CNTN4: variants seen among roughly 807,000 people sequenced by gnomAD.
CNTN4 encodes the protein contactin 4.
Under a neutral mutation model 122.5 loss-of-function variants are expected in CNTN4, and 77 were observed. That is an observed-to-expected ratio of 0.63 (90% CI 0.52 to 0.76). The LOEUF (loss-of-function observed/expected upper bound fraction) is 0.76, where lower values mean the gene tolerates loss of function less well. Ranked by LOEUF, CNTN4 falls within the 30% of genes least tolerant of loss-of-function variation. The pLI is 0.00. For synonymous variants in CNTN4, 512 were observed against 447.0 expected, an observed-to-expected ratio of 1.15 and a Z score of -1.83; for missense variants, 1,256 against 1,259.1, an observed-to-expected ratio of 1.00 and a Z score of 0.04.
intron 12 of CNTN4, among the ~76,000 whole-genome samples, chr3:2,916,752 G>C (rs1481598703): frequency 1.4e-5 from 2 of 143,894 alleles, no homozygotes; most frequent in Admixed American, 6.8e-5. Flanking sequence ...GGGCAGAGGG[G>C]CTCCTCACTT....
At chr3:2,465,399 G>A (rs766439351) in intron 3 of CNTN4, among the ~76,000 whole-genome samples, 5 of 152,064 alleles carry the variant, frequency 3.3e-5, no homozygotes, top group Admixed American at 6.6e-5. Flanking sequence ...AATAATGTCC[G>A]GGCGTGGTGG....
rs887512499 is a variant in CNTN4, at chr3:2,170,324, C to A, written c.-145+69685C>A. 2.6e-4 allele frequency among the ~76,000 whole-genome samples: 40 copies of A among 151,270 alleles called. No individual in the cohort carries two copies. The East Asian group carries it at 2.9e-3, about 11-fold the overall frequency. ...GACACACCAAGACTCCGTCTCAAAA[C>A]AAAAAAACAACAACAACAAAAAGAG... On this transcript the variant is annotated intron_variant, in intron 2 of 24. Transcript: ENST00000418658.
rs770049270 is a variant in CNTN4 at position 2,750,531 on chromosome 3, C to A, written c.358+4834C>A. 1.5e-3 allele frequency among the ~76,000 whole-genome samples: 229 copies of A among 152,162 alleles called. 3 individuals are homozygous for A. Among genetic ancestry groups the A allele is most frequent in the Non-Finnish European group, 3.1e-3 (211 of 68,018 alleles). On this transcript the variant is annotated intron_variant, in intron 6 of 24. Coordinates refer to ENST00000418658, the MANE Select transcript of CNTN4 (RefSeq NM_175607.3). ...CAATATATTTAAAATAGAAATCCTT[C>A]TTTGATTAAATAAGGATAGCATAAT...
chr3:2,771,296 C>T (rs1340986717), intron 6 of CNTN4, among the ~76,000 whole-genome samples: 1 of 152,200 alleles, frequency 6.6e-6, no homozygotes, highest in East Asian at 1.9e-4. Context: ...TTTAAATACT[C>T]TACAACATGG....
At chr3:2,519,380 C>T (rs2077132350) in intron 3 of CNTN4, among the ~76,000 whole-genome samples, 1 of 152,182 alleles carries the variant, frequency 6.6e-6, no homozygotes, top group Admixed American at 6.6e-5. Flanking sequence ...TACAGATTGT[C>T]TTGTCTGTTC....
intron 2 of CNTN4, among the ~76,000 whole-genome samples, chr3:2,310,187 C>G (rs1016212522): frequency 2.0e-5 from 3 of 152,120 alleles, no homozygotes; most frequent in African/African-American, 7.2e-5. Flanking sequence ...AGTATTACAG[C>G]AACAGACAAA....
chr3:2,276,509 C>T (rs1203845261), intron 2 of CNTN4, among the ~76,000 whole-genome samples: 1 of 152,034 alleles, frequency 6.6e-6, no homozygotes, highest in African/African-American at 2.4e-5. Flanking sequence ...AAAAATTTGT[C>T]ATGCTGGGTC....
intron 3 of CNTN4, among the ~76,000 whole-genome samples, chr3:2,533,405 T>C (rs1219228858): frequency 2.0e-5 from 3 of 152,122 alleles, no homozygotes; most frequent in Non-Finnish European, 2.9e-5. Flanking sequence ...GTCCTTGCGA[T>C]AGTTTGCTGA....
chr3:2,379,087 T>C (rs2045925991), intron 3 of CNTN4, among the ~76,000 whole-genome samples: 1 of 152,200 alleles, frequency 6.6e-6, no homozygotes, highest in South Asian at 2.1e-4. Context: ...TGTTTACCTA[T>C]ACAATAGGCA....
chr3:2,418,047 T>A (rs574027366), intron 3 of CNTN4, among the ~76,000 whole-genome samples: 3 of 152,288 alleles, frequency 2.0e-5, no homozygotes, highest in Admixed American at 6.5e-5. Context: ...TATATGATAC[T>A]ATAATGATAG....
intron 2 of CNTN4, among the ~76,000 whole-genome samples, chr3:2,154,865 G>A (rs1200468163): frequency 6.6e-6 from 1 of 152,180 alleles, no homozygotes; most frequent in Admixed American, 6.5e-5. Context: ...AAATACGGAG[G>A]AAATGAAATC....
At chr3:2,720,974 G>C (rs1259771581) in intron 4 of CNTN4, among the ~76,000 whole-genome samples, 3 of 151,810 alleles carry the variant, frequency 2.0e-5, no homozygotes, top group Non-Finnish European at 4.4e-5. Flanking sequence ...TTCTTTTTTT[G>C]TTTGTTTGTT....
At chr3:2,513,577 T>C (rs1028772910) in intron 3 of CNTN4, among the ~76,000 whole-genome samples, 1 of 152,160 alleles carries the variant, frequency 6.6e-6, no homozygotes, top group Non-Finnish European at 1.5e-5. Flanking sequence ...ATCTTCCCAA[T>C]GTAGTTAAAT....
chr3:2,708,004 A>C (rs1481147403), intron 4 of CNTN4, among the ~76,000 whole-genome samples: 1 of 152,172 alleles, frequency 6.6e-6, no homozygotes, highest in Non-Finnish European at 1.5e-5. Context: ...GAATTTTAAA[A>C]ATGATTACTT....
intron 4 of CNTN4, among the ~76,000 whole-genome samples, chr3:2,716,062 T>A (rs2087477978): frequency 6.6e-6 from 1 of 152,078 alleles, no homozygotes; most frequent in African/African-American, 2.4e-5. Flanking sequence ...CCTCCTGGGC[T>A]CAAACGATCC....
intron 13 of CNTN4, among the ~76,000 whole-genome samples, chr3:2,948,682 T>A (rs2094704783): frequency 1.3e-5 from 2 of 152,230 alleles, no homozygotes; most frequent in Admixed American, 6.5e-5. Flanking sequence ...AAACTGAGGC[T>A]ATTGATAGAC....
chr3:2,347,268 T>A (rs1393487), intron 3 of CNTN4, among the ~76,000 whole-genome samples: 1 of 151,970 alleles, frequency 6.6e-6, no homozygotes, highest in Non-Finnish European at 1.5e-5. Flanking sequence ...TCTGGGAATG[T>A]GAAGGCAAAA....
intron 3 of CNTN4, among the ~76,000 whole-genome samples, chr3:2,406,660 T>C (rs541455487): frequency 2.2e-4 from 33 of 152,286 alleles, no homozygotes; most frequent in Admixed American, 1.8e-3. Context: ...CTTTGTAATA[T>C]TGTACAACAT....
intron 12 of CNTN4, among the ~76,000 whole-genome samples, chr3:2,924,764 A>G (rs1008540394): frequency 6.6e-6 from 1 of 152,202 alleles, no homozygotes; most frequent in Non-Finnish European, 1.5e-5. Context: ...TGAGCCAAGC[A>G]TTGCATTGGG....
Sources: allele counts gnomAD v4.1 joint callset (sites outside exome capture counted in the v4.1 genomes callset), GRCh38; gene constraint gnomAD v4.1.1; transcripts MANE v1.5; gene names NCBI Gene and HGNC (gene_info 2026-07-23, HGNC 2026-07-21).